The following DARS2 variants were observed in gnomAD, a reference collection of about 807,000 sequenced individuals.
DARS2 encodes the protein aspartate--tRNA ligase, mitochondrial.
A neutral mutation model predicts 83.0 loss-of-function variants in DARS2; 63 were observed. The observed-to-expected ratio is 0.76, with a 90% CI of 0.62 to 0.94. The LOEUF (loss-of-function observed/expected upper bound fraction) is 0.94. DARS2 is among the 40% of genes least tolerant of loss of function. DARS2 has a pLI of 0.00. For missense variants in DARS2, 675 were observed against 774.4 expected (o/e 0.87, Z 1.52); for synonymous variants, 250 against 269.3 (o/e 0.93, Z 0.70).
chr1:173,851,762 AGT>A (rs1653677731), intron 13 of DARS2: 1 of 839,106 alleles, frequency 1.2e-6, no homozygotes, highest in Non-Finnish European at 1.4e-6. Context: ...TCAAAATGAT[AGT>A]GTGTCTAACT....
At chr1:173,826,598 A>C in intron 1 of DARS2, 89 bp from the exon 2 acceptor site, 3 of 903,968 alleles carry the variant, frequency 3.3e-6, no homozygotes, top group Non-Finnish European at 5.2e-6. Flanking sequence ...CCTAAGATAT[A>C]TTTTGAGAAT....
intron 11 of DARS2, among the ~76,000 whole-genome samples, chr1:173,843,906 T>C (rs1653323920): frequency 2.0e-5 from 3 of 152,152 alleles, no homozygotes; most frequent in African/African-American, 7.2e-5. Flanking sequence ...GTTGACAGAG[T>C]ATAGCCAGTC....
chr1:173,852,036 C>T (rs1653689284), intron 13 of DARS2: 5 of 985,256 alleles, frequency 5.1e-6, no homozygotes, highest in Non-Finnish European at 6.0e-6. Flanking sequence ...GTGTTTCATT[C>T]TCAGGAAGTT....
chr1:173,850,362 C>G lies in DARS2; in HGVS notation c.1227C>G (p.Asn409Lys), dbSNP rs1350945198. ...ILPVFLNANR[N>K]WNSPVANFIM... ...CTGTATTCCTTAACGCCAATAGAAA[C>G]TGGAATTCTCCAGTTGCTAATTTCA... The change falls in exon 13 of 17, where the codon AAC becomes AAG. Residue 409 changes from asparagine to lysine, a missense_variant. Asn to Lys is a moderately conservative substitution (Grantham distance 94). Transcript: ENST00000649689. 5 of 1,607,586 alleles carry G rather than the reference C, an allele frequency of 3.1e-6. No individual in the cohort carries two copies. In the South Asian group the frequency reaches 5.5e-5, roughly 18 times the overall value.
intron 10 of DARS2, among the ~76,000 whole-genome samples, chr1:173,840,270 G>T (rs540711367): frequency 1.8e-4 from 27 of 152,180 alleles, no homozygotes; most frequent in African/African-American, 6.3e-4. Context: ...ACGTAGTCTC[G>T]CCCTGTTGCC....
At chr1:173,854,036 T>C in intron 15 of DARS2, 131 bp downstream of exon 15, 1 of 767,650 alleles carries the variant, frequency 1.3e-6, no homozygotes, top group Non-Finnish European at 2.2e-6. Context: ...TGTCTACTGG[T>C]GCATTCATAG....
chr1:173,839,316 ATG>A (rs751864938), intron 9 of DARS2, 49 bp from the exon 10 acceptor site: 1 of 1,532,322 alleles, frequency 6.5e-7, no homozygotes, highest in South Asian at 1.1e-5. Flanking sequence ...AAATATATAA[ATG>A]TGTATATATT....
intron 8 of DARS2, among the ~76,000 whole-genome samples, chr1:173,837,442 A>T (rs1653045145): frequency 1.3e-5 from 2 of 152,204 alleles, no homozygotes; most frequent in Non-Finnish European, 2.9e-5. Flanking sequence ...AATATAGAAA[A>T]CTTTGTGAGC....
At chr1:173,829,204 AGT>A (rs10653648) in intron 3 of DARS2, among the ~76,000 whole-genome samples, 89 of 148,256 alleles carry the variant, frequency 6.0e-4, no homozygotes, top group South Asian at 5.8e-3. Context: ...ATATACATTC[AGT>A]GTGTGTGTGT....
At chr1:173,829,955 G>GC (rs1304838329) in intron 3 of DARS2, among the ~76,000 whole-genome samples, 3 of 151,972 alleles carry the variant, frequency 2.0e-5, no homozygotes, top group Non-Finnish European at 4.4e-5. Flanking sequence ...GGTGGCATGT[G>GC]CCTGTAGTCC....
At chr1:173,850,598 C>A in intron 13 of DARS2, 119 bp downstream of exon 13, 3 of 992,966 alleles carry the variant, frequency 3.0e-6, no homozygotes, top group Admixed American at 2.8e-5. Flanking sequence ...AGCTGCTCTG[C>A]ATAAATCTTT....
rs1653751065 is a variant in DARS2, at chr1:173,853,465, C to G, written c.1461C>G (p.Phe487Leu). 2 of 1,614,018 alleles carry G rather than the reference C, an allele frequency of 1.2e-6. No homozygotes were observed. The highest frequency in any genetic ancestry group is 1.7e-5 in the Admixed American group (1 of 59,984). The change falls in exon 14 of 17, where the codon TTC becomes TTG. Residue 487 changes from phenylalanine to leucine, a missense_variant. Coordinates refer to ENST00000649689, the MANE Select transcript of DARS2 (RefSeq NM_018122.5). ...TTTGGGTGGTAGATTTCCCACTCTTCCTGCCCAAGGAGGAAAATCCCAGAG... is the reference window on the plus strand; with the variant it reads ...TTTGGGTGGTAGATTTCCCACTCTTGCTGCCCAAGGAGGAAAATCCCAGAG... The part of the protein sequence containing the change: ...SFLWVVDFPL[F>L]LPKEENPREL...
At chr1:173,826,080 C>T (rs1404616167) in intron 1 of DARS2, among the ~76,000 whole-genome samples, 3 of 151,666 alleles carry the variant, frequency 2.0e-5, no homozygotes, top group African/African-American at 7.3e-5. Context: ...AAAAATTAGC[C>T]GGGCGTGGTG....
At chr1:173,842,535 T>A (rs190935417) in intron 11 of DARS2, among the ~76,000 whole-genome samples, 7 of 150,392 alleles carry the variant, frequency 4.7e-5, no homozygotes, top group African/African-American at 1.7e-4. Context: ...ACTCCTGACC[T>A]CAGGTGATCC....
rs776534216 is a variant in DARS2, at chr1:173,852,190, C to T, written c.1345-1159C>T. 74 of 985,254 alleles carry T rather than the reference C, an allele frequency of 7.5e-5. 1 individual carries two copies. The highest frequency in any genetic ancestry group is 8.9e-5 in the Non-Finnish European group (74 of 829,930). 61.0% of individuals were successfully genotyped at this position (985,254 alleles called of 1,614,324 possible). On this transcript the variant is annotated intron_variant, in intron 13 of 16. Transcript: ENST00000649689. Reference sequence around the variant, plus strand: ...AGATAGAATGGGCTGCAAAATAATACCCTATCATGTCTCTAGGCATATGTC... The same window carrying T: ...AGATAGAATGGGCTGCAAAATAATATCCTATCATGTCTCTAGGCATATGTC...
Position 173,857,790 on chromosome 1 carries a change from C to A in DARS2, c.*85C>A. On this transcript the variant is annotated 3_prime_UTR_variant, in exon 17 of 17. Coordinates refer to ENST00000649689, the MANE Select transcript of DARS2 (RefSeq NM_018122.5). ...GCTAAAGTCAGATCTAGAGTTCTGC[C>A]ACAGGTCTAACAATCAAGTCTTTAG... 7.0e-7 allele frequency: 1 copy of A among 1,421,622 alleles called. No individual in the cohort carries two copies. The highest frequency in any genetic ancestry group is 9.8e-7 in the Non-Finnish European group (1 of 1,015,320). 88.1% of individuals were successfully genotyped at this position (1,421,622 alleles called of 1,614,324 possible). A position where few individuals can be genotyped will look rare whatever the true frequency, so the allele number is the denominator to read the frequency against.
intron 3 of DARS2, 130 bp downstream of exon 3, chr1:173,828,529 T>C (rs1044609564): frequency 2.2e-6 from 2 of 892,902 alleles, no homozygotes; most frequent in African/African-American, 3.4e-5. Flanking sequence ...CTGAAAAATA[T>C]AAGCAATGTT....
At chr1:173,835,782 G>A (rs1652981092) in intron 7 of DARS2, among the ~76,000 whole-genome samples, 1 of 151,758 alleles carries the variant, frequency 6.6e-6, no homozygotes, top group Admixed American at 6.6e-5. Flanking sequence ...GGCCAGGCAC[G>A]GTGGTTCACG....
intron 2 of DARS2, among the ~76,000 whole-genome samples, chr1:173,827,480 A>T (rs1056789761): frequency 6.6e-6 from 1 of 152,120 alleles, no homozygotes; most frequent in Non-Finnish European, 1.5e-5. Context: ...ATACAAAAAA[A>T]GTTCGCCAGG....
Sources: gnomAD v4.1 joint callset for allele counts (sites outside exome capture counted in the v4.1 genomes callset) on GRCh38, gnomAD v4.1.1 for gene constraint, MANE v1.5 for transcripts, NCBI Gene and HGNC (gene_info 2026-07-23, HGNC 2026-07-21) for gene names.